The following SPHKAP variants were observed in gnomAD, a reference collection of about 807,000 sequenced individuals.
The protein encoded by SPHKAP is SPHK1 interactor, AKAP domain containing.
Under a neutral mutation model 137.5 loss-of-function variants are expected in SPHKAP, and 67 were observed. That is an observed-to-expected ratio of 0.49 (90% CI 0.40 to 0.60). The LOEUF (loss-of-function observed/expected upper bound fraction) is 0.60. Ranked by LOEUF, SPHKAP falls within the 20% of genes least tolerant of loss-of-function variation. SPHKAP has a pLI of 0.00. For synonymous variants in SPHKAP, 813 were observed against 785.3 expected, an observed-to-expected ratio of 1.04 and a Z score of -0.59; for missense variants, 2,097 against 2,069.3, an observed-to-expected ratio of 1.01 and a Z score of -0.26.
At chr2:228,128,759 A>T (rs1699155664) in intron 2 of SPHKAP, among the ~76,000 whole-genome samples, 1 of 152,226 alleles carries the variant, frequency 6.6e-6, no homozygotes, top group Non-Finnish European at 1.5e-5. Context: ...TTCCATGTAT[A>T]TCTCCACCAG....
At chr2:228,134,371 T>C (rs1484674710) in intron 1 of SPHKAP, among the ~76,000 whole-genome samples, 1 of 152,206 alleles carries the variant, frequency 6.6e-6, no homozygotes, top group African/African-American at 2.4e-5. Context: ...TTCTGAGTCT[T>C]AGTCTCATCA....
intron 1 of SPHKAP, among the ~76,000 whole-genome samples, chr2:228,139,468 A>C (rs1238403665): frequency 1.3e-5 from 2 of 152,218 alleles, no homozygotes; most frequent in African/African-American, 4.8e-5. Context: ...AATATAAAAT[A>C]ACACTTATTG....
chr2:228,141,825 T>C (rs1206761574), intron 1 of SPHKAP, among the ~76,000 whole-genome samples: 2 of 152,218 alleles, frequency 1.3e-5, no homozygotes, highest in East Asian at 3.8e-4. Flanking sequence ...ATTGAAAGTG[T>C]TTCCAGAGAA....
chr2:228,139,727 A>T (rs534924878), intron 1 of SPHKAP, among the ~76,000 whole-genome samples: 56 of 152,058 alleles, frequency 3.7e-4, no homozygotes, highest in African/African-American at 1.3e-3. Flanking sequence ...CTATGGGGGA[A>T]TTTTTTCAAA....
In SPHKAP at chr2:228,019,593, T is replaced by C; in HGVS notation, c.1261A>G (p.Ser421Gly). The C allele has an allele frequency of 6.2e-7, 1 of 1,614,170 alleles. No homozygotes were observed. Among genetic ancestry groups the C allele is most frequent in the Non-Finnish European group, 8.5e-7 (1 of 1,180,002 alleles). ...AGCAGAGAACTTCCTACAGAAACAC[T>C]GACTGCAGATTCCTGGGGTAATGTG... ...QSTLPQESAV[S>G]VSVGSSLLPS... The change falls in exon 7 of 12, where the codon AGT (serine) becomes GGT (glycine). Residue 421 changes from serine to glycine, a missense_variant. Transcript: ENST00000392056.
At chr2:228,076,093 A>T (rs192249068) in intron 3 of SPHKAP, among the ~76,000 whole-genome samples, 2 of 152,276 alleles carry the variant, frequency 1.3e-5, no homozygotes, top group East Asian at 1.9e-4. Flanking sequence ...GTTTCCCTGC[A>T]CAAGCCCTCT....
At chr2:228,112,427 T>C (rs1192960939) in intron 2 of SPHKAP, among the ~76,000 whole-genome samples, 1 of 152,166 alleles carries the variant, frequency 6.6e-6, no homozygotes, top group Non-Finnish European at 1.5e-5. Context: ...TTAGGACACA[T>C]AATACCATGG....
intron 8 of SPHKAP, among the ~76,000 whole-genome samples, chr2:227,994,967 G>A (rs1295160857): frequency 6.6e-6 from 1 of 152,178 alleles, no homozygotes; most frequent in African/African-American, 2.4e-5. Flanking sequence ...ACCTCAGCAA[G>A]GAATAGATTT....
chr2:228,002,415 T>C (rs1246974480), intron 7 of SPHKAP, among the ~76,000 whole-genome samples: 1 of 152,126 alleles, frequency 6.6e-6, no homozygotes, highest in Non-Finnish European at 1.5e-5. Context: ...TTTGATGAGG[T>C]TGTTTTTTTT....
chr2:228,087,089 A>G (rs993683142), intron 3 of SPHKAP, among the ~76,000 whole-genome samples: 12 of 152,318 alleles, frequency 7.9e-5, no homozygotes, highest in African/African-American at 2.9e-4. Context: ...AATGAACTAG[A>G]CAGCCAAAAA....
At chr2:228,029,322 A>G (rs977704397) in intron 3 of SPHKAP, among the ~76,000 whole-genome samples, 2 of 152,184 alleles carry the variant, frequency 1.3e-5, no homozygotes, top group Non-Finnish European at 2.9e-5. Flanking sequence ...TTTTGGGATC[A>G]TGGTTTCTTA....
In SPHKAP at chr2:228,016,630, G is replaced by C; in HGVS notation, c.4224C>G (p.Cys1408Trp). 1 of 1,613,694 alleles carries C rather than the reference G, an allele frequency of 6.2e-7. No homozygotes were observed. Among genetic ancestry groups the C allele is most frequent in the Non-Finnish European group, 8.5e-7 (1 of 1,179,940 alleles). ...PLDSKKETSS[C>W]QDPVPINHKR... is the part of the protein sequence containing the mutation. The stretch of plus-strand genomic sequence containing the variant: ...TGTGGTTTATTGGTACAGGGTCCTG[G>C]CACGAGGAAGTTTCTTTTTTAGAAT... The change falls in exon 7 of 12, where the codon TGC (cysteine) becomes TGG (tryptophan). Residue 1408 changes from cysteine (C) to tryptophan (W), a missense_variant. Transcript: ENST00000392056.
intron 3 of SPHKAP, among the ~76,000 whole-genome samples, chr2:228,084,778 T>C (rs747148296): frequency 6.6e-6 from 1 of 152,188 alleles, no homozygotes; most frequent in Non-Finnish European, 1.5e-5. Context: ...AAGGGATCTC[T>C]GCTTAGGTGA....
chr2:228,027,575 A>G (rs779923569), intron 3 of SPHKAP, 32 bp from the exon 4 acceptor site: 1 of 1,608,534 alleles, frequency 6.2e-7, no homozygotes, highest in East Asian at 2.2e-5. Context: ...AGTACGTTAA[A>G]GTCAAAAACC....
At chr2:228,128,825 T>A (rs1159928723) in intron 2 of SPHKAP, among the ~76,000 whole-genome samples, 1 of 152,170 alleles carries the variant, frequency 6.6e-6, no homozygotes, top group Non-Finnish European at 1.5e-5. Flanking sequence ...TTGATAGGAA[T>A]CTTTTTTTAT....
chr2:228,039,466 G>T (rs1210991039), intron 3 of SPHKAP, among the ~76,000 whole-genome samples: 1 of 152,020 alleles, frequency 6.6e-6, no homozygotes, highest in Non-Finnish European at 1.5e-5. Context: ...TGGGTTATTA[G>T]CCAAGTAATC....
chr2:228,041,286 T>C (rs1014786350), intron 3 of SPHKAP, among the ~76,000 whole-genome samples: 1 of 152,126 alleles, frequency 6.6e-6, no homozygotes, highest in African/African-American at 2.4e-5. Context: ...TTCTCGGGGC[T>C]AAACATTTTT....
rs1700907419 is a variant in SPHKAP, at chr2:228,181,387, A to C, written c.32+180T>G. 6.6e-6 allele frequency among the ~76,000 whole-genome samples: 1 copy of C among 152,118 alleles called. No individual in the cohort carries two copies. Among genetic ancestry groups the C allele is most frequent in the Non-Finnish European group, 1.5e-5 (1 of 68,016 alleles). The stretch of plus-strand genomic sequence containing the variant: ...CATCGCGCCCTGTGGGGCAGTTGAC[A>C]GGGTCCCCTGTAGCTCCAGCGAGGC... On this transcript the variant is annotated intron_variant, in intron 1 of 11. Coordinates refer to ENST00000392056, the MANE Select transcript of SPHKAP (RefSeq NM_001142644.2). The surrounding 1 kb of genome is among the most constrained non-coding windows in gnomAD (Gnocchi z 4.3).
intron 3 of SPHKAP, among the ~76,000 whole-genome samples, chr2:228,029,180 A>T (rs1453805978): frequency 6.6e-6 from 1 of 152,224 alleles, no homozygotes; most frequent in East Asian, 1.9e-4. Flanking sequence ...GCTAGCAATC[A>T]TCCAAAGGTT....
Sources: allele counts gnomAD v4.1 joint callset (sites outside exome capture counted in the v4.1 genomes callset), GRCh38; gene constraint gnomAD v4.1.1; non-coding constraint Gnocchi (gnomAD v3.1); transcripts MANE v1.5; gene names NCBI Gene and HGNC (gene_info 2026-07-23, HGNC 2026-07-21).